Variants in FAM78B observed in about 807,000 individuals in gnomAD.
FAM78B encodes family with sequence similarity 78 member B, also known as protein FAM78B.
In FAM78B, 10 loss-of-function variants were observed where a neutral mutation model predicts 20.0. The ratio of observed to expected loss-of-function variants is 0.50; its 90% confidence interval spans 0.31 to 0.85. The LOEUF (loss-of-function observed/expected upper bound fraction) is 0.85, where lower values mean the gene tolerates loss of function less well. Ranked by LOEUF, FAM78B falls within the 40% of genes least tolerant of loss-of-function variation. The pLI is 0.05. For missense variants in FAM78B, 283 were observed against 345.0 expected, an observed-to-expected ratio of 0.82 and a Z score of 1.42; for synonymous variants, 135 against 132.8, an observed-to-expected ratio of 1.02 and a Z score of -0.12.
chr1:166,132,386 T>G (rs1654908512), intron 1 of FAM78B, among the ~76,000 whole-genome samples: 1 of 152,200 alleles, frequency 6.6e-6, no homozygotes, highest in African/African-American at 2.4e-5. Flanking sequence ...GGGAAAGTCA[T>G]GTAATTTTTA....
chr1:166,087,831 G>T (rs1286343581), intron 1 of FAM78B, among the ~76,000 whole-genome samples: 1 of 152,194 alleles, frequency 6.6e-6, no homozygotes, highest in Non-Finnish European at 1.5e-5. Context: ...TGGGCAGGGG[G>T]TGGGCAGGGA....
At chr1:166,077,837 TTATATATATAATAA>T (rs1652354971) in intron 1 of FAM78B, among the ~76,000 whole-genome samples, 9 of 121,984 alleles carry the variant, frequency 7.4e-5, no homozygotes, top group Non-Finnish European at 1.3e-4. Flanking sequence ...TATATATAAT[TTATATATATAATAA>T]TATATATAAT....
intron 1 of FAM78B, among the ~76,000 whole-genome samples, chr1:166,134,004 C>A (rs1261138033): frequency 6.6e-6 from 1 of 152,134 alleles, no homozygotes; most frequent in African/African-American, 2.4e-5. Flanking sequence ...GTGACTGAGC[C>A]CAGACCTGCC....
At chr1:166,061,627 G>T (rs1651602795) in intron 2 of FAM78B, among the ~76,000 whole-genome samples, 1 of 152,126 alleles carries the variant, frequency 6.6e-6, no homozygotes, top group Non-Finnish European at 1.5e-5. Context: ...TATATAATTG[G>T]GGACGTAACA....
chr1:166,057,455 AT>A (rs1255818027), exon 3 of FAM78B: 1 of 142,208 alleles, frequency 7.0e-6, no homozygotes, highest in East Asian at 2.0e-4. Flanking sequence ...TACACACTGT[AT>A]TTAACTTTTT....
intron 1 of FAM78B, among the ~76,000 whole-genome samples, chr1:166,109,890 G>GTATATATGTGTATATATATA (rs1557903394): frequency 8.6e-5 from 2 of 23,192 alleles, no homozygotes; most frequent in Non-Finnish European, 2.3e-4. Flanking sequence ...ATGTATATAT[G>GTATATATGTGTATATATATA]TATATATATA....
exon 3 of FAM78B, chr1:166,059,869 C>G (rs1175328345): frequency 6.6e-6 from 1 of 151,924 alleles, no homozygotes; most frequent in Non-Finnish European, 1.5e-5. Context: ...CTCTATGGGC[C>G]CAGGAAGACA....
intron 1 of FAM78B, among the ~76,000 whole-genome samples, chr1:166,161,008 A>T (rs954395334): frequency 1.3e-5 from 2 of 152,240 alleles, no homozygotes; most frequent in African/African-American, 4.8e-5. Flanking sequence ...GGAAGTAGCT[A>T]GAGCAGTGCA....
At chr1:166,078,344 T>TATCTA (rs1652419216) in intron 1 of FAM78B, among the ~76,000 whole-genome samples, 1 of 152,132 alleles carries the variant, frequency 6.6e-6, no homozygotes, top group South Asian at 2.1e-4. Flanking sequence ...TATTAGTTAT[T>TATCTA]ATCTAATTCC....
chr1:166,099,894 A>G (rs1385468774), intron 1 of FAM78B, among the ~76,000 whole-genome samples: 1 of 152,208 alleles, frequency 6.6e-6, no homozygotes, highest in Non-Finnish European at 1.5e-5. Flanking sequence ...CAAAGAAACA[A>G]TGGATTTAAA....
chr1:166,113,336 G>C (rs1179650485), intron 1 of FAM78B, among the ~76,000 whole-genome samples: 1 of 152,226 alleles, frequency 6.6e-6, no homozygotes, highest in Non-Finnish European at 1.5e-5. Context: ...CCTTGCAGGT[G>C]CATGTTCAGA....
intron 1 of FAM78B, among the ~76,000 whole-genome samples, chr1:166,129,053 A>G (rs1205019493): frequency 6.6e-6 from 1 of 152,214 alleles, no homozygotes; most frequent in Non-Finnish European, 1.5e-5. Context: ...GTTGTCCCTG[A>G]GAACATAAAT....
At chr1:166,103,902 A>C (rs1373568870) in intron 1 of FAM78B, among the ~76,000 whole-genome samples, 1 of 152,218 alleles carries the variant, frequency 6.6e-6, no homozygotes, top group African/African-American at 2.4e-5. Context: ...CACAAAAATA[A>C]AAGAGAATTT....
At chr1:166,106,002 T>C (rs1328830782) in intron 1 of FAM78B, among the ~76,000 whole-genome samples, 2 of 151,938 alleles carry the variant, frequency 1.3e-5, no homozygotes, top group African/African-American at 2.4e-5. Flanking sequence ...GTGGCACATA[T>C]ACACCATGGA....
intron 1 of FAM78B, among the ~76,000 whole-genome samples, chr1:166,125,922 C>A (rs1654626223): frequency 6.6e-6 from 1 of 151,368 alleles, no homozygotes; most frequent in African/African-American, 2.4e-5. Flanking sequence ...ACCTCCACCT[C>A]CCAGGTTCAA....
At chr1:166,086,801 G>A (rs563746027) in intron 1 of FAM78B, among the ~76,000 whole-genome samples, 32 of 152,270 alleles carry the variant, frequency 2.1e-4, no homozygotes, top group Admixed American at 3.9e-4. Flanking sequence ...AGGAGTGCCT[G>A]TCTGCAGTTG....
chr1:166,070,679 C>T lies in FAM78B; in HGVS notation c.348G>A (p.Gly116=). 1 of 1,613,414 alleles carries T rather than the reference C, an allele frequency of 6.2e-7. No homozygotes were observed. Among genetic ancestry groups the T allele is most frequent in the Non-Finnish European group, 8.5e-7 (1 of 1,179,868 alleles). ...DSDGVSYPWY[G]NTTETVTLVG... ...CCAGGGTCACAGTTTCTGTGGTGTT[C>T]CCGTACCAAGGGTAGCTCACCCCAT... is the stretch of plus-strand genomic sequence containing the variant. The change falls in exon 2 of 2, where the codon GGG becomes GGA. Residue 116 remains glycine (G), a synonymous_variant. Transcript: ENST00000354422.
At chr1:166,109,816 A>ATATATATGTGTG (rs1653931040) in intron 1 of FAM78B, among the ~76,000 whole-genome samples, 1 of 27,538 alleles carries the variant, frequency 3.6e-5, no homozygotes, top group Non-Finnish European at 8.6e-5. Context: ...GTATATATGT[A>ATATATATGTGTG]TATATATATA....
At chr1:166,143,593 T>C (rs554479933) in intron 1 of FAM78B, among the ~76,000 whole-genome samples, 141 of 152,216 alleles carry the variant, frequency 9.3e-4, no homozygotes, top group African/African-American at 3.3e-3. Context: ...TATTCTGAGT[T>C]GCCTACTCGG....
Sources: gnomAD v4.1 joint callset for allele counts (sites outside exome capture counted in the v4.1 genomes callset) on GRCh38, gnomAD v4.1.1 for gene constraint, MANE v1.5 for transcripts, NCBI Gene and HGNC (gene_info 2026-07-23, HGNC 2026-07-21) for gene names.